PTPN9: variants seen among roughly 807,000 people sequenced by gnomAD.
PTPN9 encodes the protein tyrosine-protein phosphatase non-receptor type 9.
Under a neutral mutation model 69.8 loss-of-function variants are expected in PTPN9, and 26 were observed. That is an observed-to-expected ratio of 0.37 (90% CI 0.27 to 0.52). The LOEUF (loss-of-function observed/expected upper bound fraction) is 0.52, where lower values mean the gene tolerates loss of function less well. PTPN9 is among the 20% of genes least tolerant of loss of function. The pLI, the probability that PTPN9 is intolerant of heterozygous loss-of-function variation, is 0.91. For missense variants in PTPN9, 549 were observed against 740.3 expected (o/e 0.74, Z 3.00); for synonymous variants, 274 against 272.5 (o/e 1.01, Z -0.05).
intron 1 of PTPN9, among the ~76,000 whole-genome samples, chr15:75,536,491 A>C (rs1401728499): frequency 6.6e-6 from 1 of 152,180 alleles, no homozygotes; most frequent in Non-Finnish European, 1.5e-5. Context: ...AAATTTTTTT[A>C]GGAGTGCCTT....
chr15:75,475,549 T>C (rs190620741), intron 9 of PTPN9, among the ~76,000 whole-genome samples: 42 of 152,054 alleles, frequency 2.8e-4, no homozygotes, highest in African/African-American at 9.4e-4. Context: ...GATCGCACCA[T>C]TGAACTCCGG....
intron 1 of PTPN9, among the ~76,000 whole-genome samples, 159 bp downstream of exon 1, chr15:75,578,555 C>T (rs907781363): frequency 4.1e-4 from 63 of 152,264 alleles, no homozygotes; most frequent in African/African-American, 1.5e-3. Context: ...GGGGTGGCGG[C>T]CTGGGGCGCG....
intron 2 of PTPN9, among the ~76,000 whole-genome samples, chr15:75,525,050 A>G (rs1428692214): frequency 1.3e-5 from 2 of 152,050 alleles, no homozygotes; most frequent in Non-Finnish European, 2.9e-5. Flanking sequence ...ACACTAAAAT[A>G]TGGACCTCAA....
chr15:75,482,219 C>T (rs1457259285), intron 8 of PTPN9, among the ~76,000 whole-genome samples: 10 of 151,862 alleles, frequency 6.6e-5, no homozygotes, highest in Admixed American at 4.6e-4. Context: ...GGATTAAGGG[C>T]GGTGCAAGAT....
In PTPN9 at chr15:75,468,979, G is replaced by A. The variant is rs1271059507; in HGVS notation, c.1572C>T (p.Thr524=). ...CCAGGCAGATGTCCAGTGAGCAGAA[G>A]GTACCTGAAGAAGGAAGGAAGTGAT... ...HCSAGIGRTG[T]FCSLDICLAQ... The change falls in exon 13 of 13, where the codon ACC becomes ACT. Residue 524 remains threonine (T), a synonymous_variant. Coordinates refer to ENST00000618819, the MANE Select transcript of PTPN9 (RefSeq NM_002833.4). 6.2e-7 allele frequency: 1 copy of A among 1,610,440 alleles called. No individual in the cohort carries two copies. Among genetic ancestry groups the A allele is most frequent in the East Asian group, 2.2e-5 (1 of 44,766 alleles).
intron 1 of PTPN9, among the ~76,000 whole-genome samples, chr15:75,541,203 C>T (rs7176989): frequency 0.56 from 84,439 of 150,154 alleles, 24,387 homozygotes; most frequent in African/African-American, 0.71. Context: ...TTCTCCTGCC[C>T]CAGCCTCCCT....
chr15:75,547,479 C>T (rs566221291), intron 1 of PTPN9, among the ~76,000 whole-genome samples: 1 of 151,776 alleles, frequency 6.6e-6, no homozygotes, highest in Admixed American at 6.6e-5. Flanking sequence ...CAAAACAAAA[C>T]AAAAAACAAA....
At chr15:75,497,082 AC>A (rs1415444137) in intron 7 of PTPN9, among the ~76,000 whole-genome samples, 1 of 152,146 alleles carries the variant, frequency 6.6e-6, no homozygotes, top group African/African-American at 2.4e-5. Context: ...AACAAAATCA[AC>A]TAGAAAGAAA....
chr15:75,503,919 GC>G, intron 7 of PTPN9, among the ~76,000 whole-genome samples: 1 of 94,484 alleles, frequency 1.1e-5, no homozygotes, highest in East Asian at 3.5e-4. Context: ...TCAGCCCCCC[GC>G]CCGGCCAGCC....
At chr15:75,573,325 T>C (rs2075157417) in intron 1 of PTPN9, among the ~76,000 whole-genome samples, 1 of 152,218 alleles carries the variant, frequency 6.6e-6, no homozygotes, top group African/African-American at 2.4e-5. Flanking sequence ...TTAGAAAAGA[T>C]ACTGTTACGA....
chr15:75,503,435 C>T (rs1595954775), intron 7 of PTPN9, among the ~76,000 whole-genome samples: 4 of 146,492 alleles, frequency 2.7e-5, no homozygotes, highest in South Asian at 4.4e-4. Flanking sequence ...AGCCCCTCCG[C>T]CCGGCAGCCG....
In PTPN9 at chr15:75,507,377, C is replaced by T. The variant is rs187195414; in HGVS notation, c.640-1374G>A. Among the ~76,000 whole-genome samples, 170 of 143,740 alleles carry T rather than the reference C, an allele frequency of 1.2e-3. 1 individual carries two copies. The highest frequency in any genetic ancestry group is 2.5e-3 in the Admixed American group (34 of 13,512). The allele number at this position is 143,740 out of a possible 152,430, so 94.3% of individuals were successfully genotyped here. ...AGGAGAATCACTTGAACCCGGGGGA[C>T]GGAGGTTGCAGTGAGCCAAGATCAT... On this transcript the variant is annotated intron_variant, in intron 6 of 12. Coordinates refer to ENST00000618819, the MANE Select transcript of PTPN9 (RefSeq NM_002833.4).
chr15:75,523,928 A>G (rs1169901048), intron 3 of PTPN9, among the ~76,000 whole-genome samples: 1 of 152,064 alleles, frequency 6.6e-6, no homozygotes, highest in Admixed American at 6.6e-5. Context: ...CTCTAGATTC[A>G]GGATAAGGTA....
At chr15:75,568,180 C>T (rs1266775583) in intron 1 of PTPN9, among the ~76,000 whole-genome samples, 2 of 151,564 alleles carry the variant, frequency 1.3e-5, no homozygotes, top group Non-Finnish European at 2.9e-5. Context: ...CTGTTCGCAC[C>T]CTCCATGTCC....
Position 75,578,695 on chromosome 15 carries a change from C to T in PTPN9, c.63+19G>A. 1 of 1,366,100 alleles carries T rather than the reference C, an allele frequency of 7.3e-7. No individual in the cohort carries two copies. The highest frequency in any genetic ancestry group is 9.5e-7 in the Non-Finnish European group (1 of 1,056,940). The allele number at this position is 1,366,100 out of a possible 1,614,324, so 84.6% of individuals were successfully genotyped here. On this transcript the variant is annotated intron_variant, in intron 1 of 12. Coordinates refer to ENST00000618819, the MANE Select transcript of PTPN9 (RefSeq NM_002833.4). Reference sequence around the variant, plus strand: ...GGGGGCCCGGACACACCCAACGCGGCGGCCTCGGGCCCGCTTACCTGCTCC... The same window carrying T: ...GGGGGCCCGGACACACCCAACGCGGTGGCCTCGGGCCCGCTTACCTGCTCC...
chr15:75,501,477 T>TTTC (rs2074772372), intron 7 of PTPN9, among the ~76,000 whole-genome samples: 1 of 150,704 alleles, frequency 6.6e-6, no homozygotes, highest in Non-Finnish European at 1.5e-5. Flanking sequence ...TTTTTTTTTT[T>TTTC]TTCCTTAGAC....
chr15:75,548,463 C>A (rs2075043580), intron 1 of PTPN9, among the ~76,000 whole-genome samples: 1 of 150,852 alleles, frequency 6.6e-6, no homozygotes, highest in African/African-American at 2.4e-5. Context: ...GCCATGTTGG[C>A]CAGGTTGGTC....
intron 1 of PTPN9, among the ~76,000 whole-genome samples, chr15:75,578,366 G>A (rs1055780958): frequency 6.6e-6 from 1 of 152,236 alleles, no homozygotes; most frequent in Non-Finnish European, 1.5e-5. Flanking sequence ...ATTTACAAGG[G>A]AGTGGAAGGG....
intron 8 of PTPN9, among the ~76,000 whole-genome samples, chr15:75,489,064 A>G (rs1389519879): frequency 6.7e-6 from 1 of 150,338 alleles, no homozygotes; most frequent in Non-Finnish European, 1.5e-5. Context: ...AGTCCCAGCT[A>G]CTCGGGAGGC....
Sources: allele counts gnomAD v4.1 joint callset (sites outside exome capture counted in the v4.1 genomes callset), GRCh38; gene constraint gnomAD v4.1.1; transcripts MANE v1.5; gene names NCBI Gene and HGNC (gene_info 2026-07-23, HGNC 2026-07-21).